Variants in MEIS1 observed in about 807,000 individuals in gnomAD.
MEIS1 encodes the protein Meis homeobox 1.
A neutral mutation model predicts 50.8 loss-of-function variants in MEIS1; 5 were observed. That is an observed-to-expected ratio of 0.10 (90% confidence interval 0.05 to 0.21). MEIS1 has a LOEUF of 0.21. Among genes scored for constraint, MEIS1 ranks in the 10% least tolerant of loss-of-function variants. The probability of loss-of-function intolerance (pLI) is 1.00; values close to 1 mark genes in which losing one functional copy is unlikely to be tolerated. For missense variants in MEIS1, 318 were observed against 517.3 expected, an observed-to-expected ratio of 0.61 and a Z score of 3.74; for synonymous variants, 176 against 179.3, an observed-to-expected ratio of 0.98 and a Z score of 0.15.
intron 2 of MEIS1, 156 bp from the exon 3 acceptor site, chr2:66,439,687 G>T: frequency 1.3e-6 from 2 of 1,541,548 alleles, no homozygotes; most frequent in Non-Finnish European, 8.7e-7. Flanking sequence ...CGGTCACCTG[G>T]GTCTGGGGGA....
At chr2:66,564,352 G>T (rs1675287516) in intron 9 of MEIS1, among the ~76,000 whole-genome samples, 1 of 152,120 alleles carries the variant, frequency 6.6e-6, no homozygotes. Context: ...TGGGCAGTTG[G>T]CTAAGAGGCT....
intron 7 of MEIS1, among the ~76,000 whole-genome samples, chr2:66,492,614 C>T (rs1001878206): frequency 1.3e-5 from 2 of 152,194 alleles, no homozygotes; most frequent in African/African-American, 4.8e-5. Flanking sequence ...TGCAAGTCTT[C>T]AGCTGATTCT....
At chr2:66,443,102 A>T in intron 6 of MEIS1, 54 bp downstream of exon 6, 1 of 1,536,928 alleles carries the variant, frequency 6.5e-7, no homozygotes, top group African/African-American at 1.4e-5. Flanking sequence ...CTGTATGCAT[A>T]TTGCTTGCTG....
At chr2:66,451,339 TA>T (rs1356686421) in intron 6 of MEIS1, among the ~76,000 whole-genome samples, 3 of 152,080 alleles carry the variant, frequency 2.0e-5, no homozygotes, top group Non-Finnish European at 2.9e-5. Context: ...TCACATCCCA[TA>T]GAAACTCTTT....
chr2:66,525,163 A>T (rs2103880739), intron 8 of MEIS1, among the ~76,000 whole-genome samples: 1 of 152,334 alleles, frequency 6.6e-6, no homozygotes, highest in Admixed American at 6.5e-5. Flanking sequence ...CAGTGAGCCA[A>T]GATCACTCCA....
chr2:66,452,638 T>C (rs1372947850), intron 6 of MEIS1, among the ~76,000 whole-genome samples: 1 of 151,976 alleles, frequency 6.6e-6, no homozygotes, highest in African/African-American at 2.4e-5. Flanking sequence ...TAAATTAATA[T>C]GTTCAAGAAA....
At chr2:66,520,042 C>T (rs947943928) in intron 8 of MEIS1, among the ~76,000 whole-genome samples, 5 of 152,032 alleles carry the variant, frequency 3.3e-5, no homozygotes, top group Admixed American at 3.3e-4. Flanking sequence ...AATTTGGTAT[C>T]CTGGGAAGTT....
chr2:66,527,797 A>G (rs966075628), intron 8 of MEIS1, among the ~76,000 whole-genome samples: 2 of 152,168 alleles, frequency 1.3e-5, no homozygotes, highest in African/African-American at 4.8e-5. Flanking sequence ...CCTGCTTGTT[A>G]TGTTACCCAC....
intron 3 of MEIS1, 84 bp downstream of exon 3, chr2:66,440,068 A>AACACCCACACAC: frequency 1.3e-6 from 1 of 777,642 alleles, no homozygotes; most frequent in Non-Finnish European, 2.0e-6. Context: ...CGCGCGCGCG[A>AACACCCACACAC]ACACACACAC....
chr2:66,495,080 C>CTTTTTTTTTTTTTTTT (rs70943701), intron 7 of MEIS1, among the ~76,000 whole-genome samples: 1 of 91,492 alleles, frequency 1.1e-5, no homozygotes, highest in African/African-American at 4.2e-5. Flanking sequence ...CTCTTCTGAC[C>CTTTTTTTTTTTTTTTT]TTTTTTTTTT....
chr2:66,556,855 T>A (rs1477095479), intron 9 of MEIS1, among the ~76,000 whole-genome samples: 7 of 150,170 alleles, frequency 4.7e-5, no homozygotes, highest in Non-Finnish European at 8.9e-5. Context: ...GACAATACTG[T>A]TTACAGAAAG....
intron 6 of MEIS1, among the ~76,000 whole-genome samples, chr2:66,460,205 T>C (rs73937915): frequency 0.033 from 5,024 of 152,198 alleles, 285 homozygotes; most frequent in African/African-American, 0.12. Context: ...CCTAAGCACT[T>C]GGTGCCTGCT....
At chr2:66,481,291 T>C (rs1673009747) in intron 7 of MEIS1, among the ~76,000 whole-genome samples, 1 of 152,252 alleles carries the variant, frequency 6.6e-6, no homozygotes, top group South Asian at 2.1e-4. Context: ...CTTCTGTGTT[T>C]ATCTGCATCT....
At chr2:66,469,809 G>A (rs1375304858) in intron 7 of MEIS1, among the ~76,000 whole-genome samples, 2 of 151,984 alleles carry the variant, frequency 1.3e-5, no homozygotes, top group African/African-American at 2.4e-5. Context: ...GGCCACAGAA[G>A]ATATTTTAAT....
intron 6 of MEIS1, among the ~76,000 whole-genome samples, chr2:66,455,419 A>G (rs1010196943): frequency 5.3e-5 from 8 of 152,340 alleles, no homozygotes; most frequent in African/African-American, 1.9e-4. Flanking sequence ...GAATTGGGCA[A>G]AAAGTATCAG....
At chr2:66,566,899 G>C (rs1558566856) in intron 9 of MEIS1, among the ~76,000 whole-genome samples, 1 of 152,036 alleles carries the variant, frequency 6.6e-6, no homozygotes, top group East Asian at 1.9e-4. Flanking sequence ...AGCAGTGTGA[G>C]TTAGTGGTGA....
chr2:66,524,125 A>T (rs1276324210), intron 8 of MEIS1, among the ~76,000 whole-genome samples: 1 of 152,174 alleles, frequency 6.6e-6, no homozygotes, highest in Admixed American at 6.5e-5. Context: ...GTTGGAGAGA[A>T]AAAGAGTTTT....
At chr2:66,476,367 T>C (rs770237412) in intron 7 of MEIS1, among the ~76,000 whole-genome samples, 3 of 152,190 alleles carry the variant, frequency 2.0e-5, no homozygotes, top group Non-Finnish European at 4.4e-5. Context: ...TTGATGTACA[T>C]TTTAAGCATA....
At chr2:66,443,899 C>T (rs942133604) in intron 6 of MEIS1, 2 of 152,638 alleles carry the variant, frequency 1.3e-5, no homozygotes, top group African/African-American at 4.8e-5. Flanking sequence ...CCTCCAGGCC[C>T]TTCTTCCGAT....
Sources: allele counts gnomAD v4.1 joint callset (sites outside exome capture counted in the v4.1 genomes callset), GRCh38; gene constraint gnomAD v4.1.1; transcripts MANE v1.5; gene names NCBI Gene and HGNC (gene_info 2026-07-23, HGNC 2026-07-21).